The following PTP4A3 variants were observed in gnomAD, a reference collection of about 807,000 sequenced individuals.
PTP4A3 encodes protein tyrosine phosphatase 4A3, also known as protein tyrosine phosphatase type IVA 3.
Under a neutral mutation model 15.2 loss-of-function variants are expected in PTP4A3, and 9 were observed. The ratio of observed to expected loss-of-function variants is 0.59; its 90% confidence interval spans 0.36 to 1.03. The LOEUF (loss-of-function observed/expected upper bound fraction) is 1.03, where lower values mean the gene tolerates loss of function less well. Among genes scored for constraint, PTP4A3 ranks in the 50% least tolerant of loss-of-function variants. The pLI is 0.02. For synonymous variants in PTP4A3, 95 were observed against 102.0 expected, an observed-to-expected ratio of 0.93 and a Z score of 0.41; for missense variants, 234 against 252.1, an observed-to-expected ratio of 0.93 and a Z score of 0.49.
chr8:141,397,736 T>C (rs1832489183), intron 1 of PTP4A3, among the ~76,000 whole-genome samples: 1 of 152,236 alleles, frequency 6.6e-6, no homozygotes, highest in Admixed American at 6.5e-5. Context: ...GTGATCTTTC[T>C]GGATAGTTCA....
At chr8:141,409,995 C>T (rs1832826523) in intron 1 of PTP4A3, among the ~76,000 whole-genome samples, 1 of 152,250 alleles carries the variant, frequency 6.6e-6, no homozygotes, top group Admixed American at 6.5e-5. Flanking sequence ...ACCCTCAAGC[C>T]ACTGTCACCA....
At chr8:141,392,671 G>A (rs1832320945) in intron 1 of PTP4A3, 1 of 152,308 alleles carries the variant, frequency 6.6e-6, no homozygotes, top group African/African-American at 2.4e-5. Context: ...CAGGTCAGCA[G>A]CCTTGATCCA....
rs970099110 is a variant in PTP4A3 at position 141,406,641 on chromosome 8, T to A, written c.-854+14557T>A. Among the ~76,000 whole-genome samples, 2 of 152,208 alleles carry A rather than the reference T, an allele frequency of 1.3e-5. No homozygotes were observed. Among genetic ancestry groups the A allele is most frequent in the Non-Finnish European group, 2.9e-5 (2 of 68,034 alleles). ...GGCCCAGACTCATTGACATCCTGCGTGAACTACAGTTTTGGTAGAGGTGCA... is the reference window on the plus strand; with the variant it reads ...GGCCCAGACTCATTGACATCCTGCGAGAACTACAGTTTTGGTAGAGGTGCA... On this transcript the variant is annotated intron_variant, in intron 1 of 5. Transcript: ENST00000521578. This position sits in a 1 kb window ranked among gnomAD's most constrained non-coding sequence, Gnocchi z 4.5.
intron 1 of PTP4A3, among the ~76,000 whole-genome samples, chr8:141,415,410 C>T (rs948200927): frequency 6.6e-6 from 1 of 151,430 alleles, no homozygotes; most frequent in Non-Finnish European, 1.5e-5. Context: ...ACCGCCCTGT[C>T]CCCCGTGGGC....
rs558742737 is a variant in PTP4A3 at position 141,429,216 on chromosome 8, C to T, written c.404+1392C>T. 1.2e-3 allele frequency among the ~76,000 whole-genome samples: 184 copies of T among 152,370 alleles called. 1 individual carries two copies. Among genetic ancestry groups the T allele is most frequent in the South Asian group, 0.011 (52 of 4,832 alleles). On this transcript the variant is annotated intron_variant, in intron 5 of 5. Coordinates refer to ENST00000521578, the MANE Select transcript of PTP4A3 (RefSeq NM_032611.3). ...GTGTGCCGGCTGCTGGGCGAGGAAA[C>T]GAGCACGGTGGAGCCACACGGGGCA... is the stretch of plus-strand genomic sequence containing the variant.
At chr8:141,397,096 A>G (rs541085241) in intron 1 of PTP4A3, among the ~76,000 whole-genome samples, 157 of 152,286 alleles carry the variant, frequency 1.0e-3, no homozygotes, top group Non-Finnish European at 2.0e-3. Context: ...TCTGTGTTGA[A>G]TTTGGCTCTA....
intron 1 of PTP4A3, among the ~76,000 whole-genome samples, chr8:141,400,815 C>T (rs1039256608): frequency 1.1e-4 from 17 of 152,178 alleles, no homozygotes; most frequent in Non-Finnish European, 1.3e-4. Flanking sequence ...CAGAGAGGGG[C>T]GGTCCTGACC....
At position 141,426,801 on chromosome 8, in the gene PTP4A3, C is replaced by T. The variant is rs139389514; in HGVS notation, c.199-138C>T. 13 of 1,430,042 alleles carry T rather than the reference C, an allele frequency of 9.1e-6. No homozygotes were observed. In the African/African-American group the frequency reaches 1.6e-4, roughly 17 times the overall value. 88.6% of individuals were successfully genotyped at this position (1,430,042 alleles called of 1,614,324 possible). On this transcript the variant is annotated intron_variant, in intron 3 of 5. Coordinates refer to ENST00000521578, the MANE Select transcript of PTP4A3 (RefSeq NM_032611.3). ...GGCAAGCTGTGCCCCTCCTGTGTGC[C>T]CTCTGGGTCTGCTGCCCCCACCCTA...
rs542715719 is a variant in PTP4A3 at position 141,423,876 on chromosome 8, C to T, written c.106-1172C>T. Among the ~76,000 whole-genome samples, 5 of 151,354 alleles carry T rather than the reference C, an allele frequency of 3.3e-5. 1 individual carries two copies. Among genetic ancestry groups the T allele is most frequent in the African/African-American group, 9.7e-5 (4 of 41,152 alleles). On this transcript the variant is annotated intron_variant, in intron 2 of 5. Coordinates refer to ENST00000521578, the MANE Select transcript of PTP4A3 (RefSeq NM_032611.3). ...TCAGTGTGTGACCCAGATCAAGGCT[C>T]GGTATGTGACCAGGATTAGGGCTCA... is the stretch of plus-strand genomic sequence containing the variant.
intron 5 of PTP4A3, among the ~76,000 whole-genome samples, chr8:141,429,284 T>A (rs1244966550): frequency 2.0e-5 from 3 of 152,192 alleles, no homozygotes. Flanking sequence ...CTACTGCTGC[T>A]CCCACTTCCT....
At chr8:141,395,541 A>G (rs1212294396) in intron 1 of PTP4A3, among the ~76,000 whole-genome samples, 1 of 145,408 alleles carries the variant, frequency 6.9e-6, no homozygotes, top group East Asian at 2.2e-4. Flanking sequence ...ACTGGGGGCC[A>G]TTGCCCAGTG....
chr8:141,426,847 G>T (rs2130293010), intron 3 of PTP4A3, 92 bp from the exon 4 acceptor site: 2 of 1,514,280 alleles, frequency 1.3e-6, no homozygotes, highest in East Asian at 2.3e-5. Flanking sequence ...GGCACCCTCT[G>T]CCTCTCAGAG....
chr8:141,400,579 C>A (rs938418857), intron 1 of PTP4A3, among the ~76,000 whole-genome samples: 2 of 152,226 alleles, frequency 1.3e-5, no homozygotes, highest in African/African-American at 4.8e-5. Flanking sequence ...CCATGATGGG[C>A]TCTCCTAAGT....
At chr8:141,427,649 GGCCCCTTGGGCCCCC>G (rs2130312121) in intron 4 of PTP4A3, 86 bp from the exon 5 acceptor site, 1 of 1,003,080 alleles carries the variant, frequency 1.0e-6, no homozygotes, top group East Asian at 2.7e-5. Context: ...GGGGATTCTG[GGCCCCTTGGGCCCCC>G]GTGCCCTGCA....
In PTP4A3 at chr8:141,422,266, C is replaced by T. The variant is rs752072890; in HGVS notation, c.26C>T (p.Pro9Leu). The change falls in exon 2 of 6, where the codon CCG becomes CTG. Residue 9 changes from proline to leucine, a missense_variant. Transcript: ENST00000521578. ...ATGGCTCGGATGAACCGCCCGGCCC[C>T]GGTGGAGGTGAGCTACAAACACATG... is the stretch of plus-strand genomic sequence containing the variant. MARMNRPA[P>L]VEVSYKHMRF... is the part of the protein sequence containing the mutation. 22 of 1,612,926 alleles carry T rather than the reference C, an allele frequency of 1.4e-5. No homozygotes were observed. The highest frequency in any genetic ancestry group is 1.7e-5 in the Non-Finnish European group (20 of 1,180,008).
At chr8:141,392,960 C>G (rs1338579634) in intron 1 of PTP4A3, among the ~76,000 whole-genome samples, 1 of 152,066 alleles carries the variant, frequency 6.6e-6, no homozygotes, top group Admixed American at 6.5e-5. Context: ...CCTGCGGGCT[C>G]TGGGGTGTGC....
intron 1 of PTP4A3, among the ~76,000 whole-genome samples, chr8:141,420,238 G>A (rs1282803382): frequency 1.3e-5 from 2 of 152,186 alleles, no homozygotes; most frequent in East Asian, 3.9e-4. Context: ...GCCGGGCTTG[G>A]GTTGAGTCTA....
chr8:141,401,602 A>G (rs1832591088), intron 1 of PTP4A3, among the ~76,000 whole-genome samples: 1 of 151,302 alleles, frequency 6.6e-6, no homozygotes, highest in Non-Finnish European at 1.5e-5. Context: ...CTGCCCAGCC[A>G]CAGGAAGCCA....
intron 4 of PTP4A3, 123 bp downstream of exon 4, chr8:141,427,192 GC>G: frequency 7.2e-7 from 1 of 1,393,278 alleles, no homozygotes; most frequent in Non-Finnish European, 9.6e-7. Flanking sequence ...GGAGGCCCAT[GC>G]CCCTAGTGCT....
Sources: allele counts gnomAD v4.1 joint callset (sites outside exome capture counted in the v4.1 genomes callset), GRCh38; gene constraint gnomAD v4.1.1; non-coding constraint Gnocchi (gnomAD v3.1); transcripts MANE v1.5; gene names NCBI Gene and HGNC (gene_info 2026-07-23, HGNC 2026-07-21).